The following PCDH11X variants were observed in gnomAD, a reference collection of about 807,000 sequenced individuals.
The protein encoded by PCDH11X is protocadherin-11 X-linked.
In PCDH11X, 18 loss-of-function variants were observed where a neutral mutation model predicts 53.3. That is an observed-to-expected ratio of 0.34 (90% confidence interval 0.23 to 0.50). The LOEUF is 0.50. PCDH11X is among the 20% of genes least tolerant of loss of function. The pLI is 0.98. For synonymous variants in PCDH11X, 279 were observed against 393.3 expected, an observed-to-expected ratio of 0.71 and a Z score of 3.44; for missense variants, 570 against 1,032.4, an observed-to-expected ratio of 0.55 and a Z score of 6.14.
chrX:92,126,553 G>C (rs1159373541), intron 6 of PCDH11X, among the ~76,000 whole-genome samples: 3 of 109,805 alleles, frequency 2.7e-5, no homozygotes, highest in African/African-American at 1.0e-4. Context: ...AGGTTGCAGT[G>C]AGCTGAGATC....
At chrX:92,040,413 G>A (rs932625471) in intron 6 of PCDH11X, among the ~76,000 whole-genome samples, 7 of 107,051 alleles carry the variant, frequency 6.5e-5, no homozygotes, top group African/African-American at 2.4e-4. Flanking sequence ...TCTGTGGGTG[G>A]GTGATGGCTG....
chrX:91,953,206 T>C (rs906944654), intron 6 of PCDH11X, among the ~76,000 whole-genome samples: 1 of 110,592 alleles, frequency 9.0e-6, no homozygotes, highest in African/African-American at 3.3e-5. Context: ...ATTGTTTGTA[T>C]CTCAAAGGAT....
At chrX:92,127,668 G>A (rs1373836345) in intron 6 of PCDH11X, among the ~76,000 whole-genome samples, 4 of 109,099 alleles carry the variant, frequency 3.7e-5, no homozygotes, top group Admixed American at 1.0e-4. Context: ...CTACAGGTGC[G>A]TGCCACCAAG....
intron 9 of PCDH11X, among the ~76,000 whole-genome samples, chrX:92,452,407 C>T (rs2072804317): frequency 1.2e-5 from 1 of 80,950 alleles, no homozygotes; most frequent in Non-Finnish European, 2.3e-5. Flanking sequence ...TGCAAAGCTG[C>T]TAAAAACAGA....
chrX:92,106,006 A>G (rs760318909), intron 6 of PCDH11X, among the ~76,000 whole-genome samples: 1 of 111,319 alleles, frequency 9.0e-6, no homozygotes, highest in African/African-American at 3.3e-5. Flanking sequence ...TTTGTAGGTT[A>G]TCTCATAGCT....
At chrX:91,828,886 A>G (rs1472705537) in intron 4 of PCDH11X, among the ~76,000 whole-genome samples, 1 of 111,025 alleles carries the variant, frequency 9.0e-6, no homozygotes, top group African/African-American at 3.3e-5. Flanking sequence ...TCTTACCTTG[A>G]TTTGTTTTAC....
At chrX:92,287,990 T>A (rs781726511) in intron 8 of PCDH11X, 8 of 513,353 alleles carry the variant, frequency 1.6e-5, no homozygotes, top group Non-Finnish European at 2.4e-5. Context: ...CCTCTTCCCC[T>A]TCTGCCATGA....
chrX:92,187,048 A>G (rs1243819700), intron 6 of PCDH11X, among the ~76,000 whole-genome samples: 1 of 112,034 alleles, frequency 8.9e-6, no homozygotes, highest in Non-Finnish European at 1.9e-5. Context: ...TAGTAGGTGT[A>G]TTAGCTTCCT....
intron 8 of PCDH11X, among the ~76,000 whole-genome samples, chrX:92,270,606 C>T (rs2148426128): frequency 9.0e-6 from 1 of 111,597 alleles, no homozygotes; most frequent in South Asian, 3.8e-4. Flanking sequence ...ATTTTGAAGG[C>T]TTTGATATTT....
At chrX:92,462,591 T>C (rs1197790092) in intron 9 of PCDH11X, among the ~76,000 whole-genome samples, 2 of 110,388 alleles carry the variant, frequency 1.8e-5, no homozygotes, top group African/African-American at 6.6e-5. Context: ...AAGAAAATAA[T>C]GGATCCAGCC....
intron 9 of PCDH11X, among the ~76,000 whole-genome samples, chrX:92,440,804 A>C (rs186280569): frequency 0.027 from 3,006 of 110,862 alleles, 69 homozygotes; most frequent in African/African-American, 0.076. Context: ...AAAGATACCC[A>C]AAAATGTGGA....
intron 6 of PCDH11X, among the ~76,000 whole-genome samples, chrX:92,008,296 G>C (rs1362537844): frequency 9.0e-6 from 1 of 110,723 alleles, no homozygotes; most frequent in Non-Finnish European, 1.9e-5. Flanking sequence ...GCCTTTGATG[G>C]TGAGGTTTGC....
At chrX:91,936,761 G>T (rs937117825) in intron 6 of PCDH11X, among the ~76,000 whole-genome samples, 1 of 107,645 alleles carries the variant, frequency 9.3e-6, no homozygotes, top group Non-Finnish European at 1.9e-5. Flanking sequence ...CATGAATAAA[G>T]CTTATTTCTT....
At chrX:92,100,784 A>G (rs192448305) in intron 6 of PCDH11X, among the ~76,000 whole-genome samples, 4,015 of 110,216 alleles carry the variant, frequency 0.036, 205 homozygotes, top group African/African-American at 0.13. Context: ...GAGAGAATGG[A>G]CGATGTTTCT....
chrX:92,221,990 T>C (rs1244005304), intron 7 of PCDH11X, among the ~76,000 whole-genome samples: 2 of 111,000 alleles, frequency 1.8e-5, no homozygotes, highest in African/African-American at 6.5e-5. Flanking sequence ...CACGCCACCA[T>C]ACTCAGCTAA....
At chrX:92,043,254 A>T (rs995049987) in intron 6 of PCDH11X, among the ~76,000 whole-genome samples, 1 of 105,861 alleles carries the variant, frequency 9.4e-6, no homozygotes, top group East Asian at 4.0e-4. Context: ...TTCAGTTGAA[A>T]TTACATTGTA....
In PCDH11X at chrX:92,232,720, T is replaced by A. The variant is rs763969894; in HGVS notation, c.3115-30394T>A. On this transcript the variant is annotated intron_variant, in intron 7 of 10. Transcript: ENST00000682573. ...AGATATGCCCTAAATATAATTTTTT[T>A]AAATTATTATTATTGAGACGGAGTC... Among the ~76,000 whole-genome samples the A allele has an allele frequency of 9.3e-4, 105 of 112,411 alleles. 1 individual carries two copies. Among genetic ancestry groups the A allele is most frequent in the African/African-American group, 3.2e-3 (98 of 31,038 alleles).
chrX:92,122,093 A>C (rs6522485), intron 6 of PCDH11X, among the ~76,000 whole-genome samples: 41,436 of 103,647 alleles, frequency 0.4, 7,999 homozygotes, highest in East Asian at 0.87. Context: ...CAAGCTTCTC[A>C]TTCCTCAGCT....
chrX:92,050,180 A>T (rs2063348777), intron 6 of PCDH11X, among the ~76,000 whole-genome samples: 1 of 111,288 alleles, frequency 9.0e-6, no homozygotes, highest in South Asian at 3.8e-4. Flanking sequence ...ACCCACATTG[A>T]TTCATTTTCT....
Sources: gnomAD v4.1 joint callset for allele counts (sites outside exome capture counted in the v4.1 genomes callset) on GRCh38, gnomAD v4.1.1 for gene constraint, MANE v1.5 for transcripts, NCBI Gene and HGNC (gene_info 2026-07-23, HGNC 2026-07-21) for gene names.